PPP2R5C: variants seen among roughly 807,000 people sequenced by gnomAD.
PPP2R5C encodes serine/threonine-protein phosphatase 2A 56 kDa regulatory subunit gamma isoform.
PPP2R5C carries 7 observed loss-of-function variants against 68.9 expected under a neutral mutation model. The ratio of observed to expected loss-of-function variants is 0.10; its 90% confidence interval spans 0.06 to 0.19. The LOEUF is 0.19. Among genes scored for constraint, PPP2R5C ranks in the 10% least tolerant of loss-of-function variants. The pLI is 1.00. For missense variants in PPP2R5C, 348 were observed against 641.3 expected (o/e 0.54, Z 4.94); for synonymous variants, 210 against 222.2 (o/e 0.95, Z 0.49).
chr14:101,862,349 C>T (rs2042795619), intron 2 of PPP2R5C, among the ~76,000 whole-genome samples: 3 of 152,132 alleles, frequency 2.0e-5, no homozygotes, highest in Admixed American at 2.0e-4. Flanking sequence ...AGTGAGTCAC[C>T]ACTTGGAAGA....
intron 1 of PPP2R5C, among the ~76,000 whole-genome samples, chr14:101,845,020 G>T (rs1410738944): frequency 6.6e-6 from 1 of 152,046 alleles, no homozygotes; most frequent in Non-Finnish European, 1.5e-5. Flanking sequence ...TCTCCCCAAG[G>T]CTTTCTAGAA....
intron 2 of PPP2R5C, among the ~76,000 whole-genome samples, chr14:101,878,073 G>C (rs902851152): frequency 2.0e-5 from 3 of 152,240 alleles, no homozygotes; most frequent in African/African-American, 7.2e-5. Flanking sequence ...CTGGCTTGCA[G>C]ACGGCCACTG....
chr14:101,865,418 G>C (rs1474670283), intron 2 of PPP2R5C, among the ~76,000 whole-genome samples: 1 of 152,196 alleles, frequency 6.6e-6, no homozygotes, highest in Non-Finnish European at 1.5e-5. Context: ...GATGTCTCCT[G>C]TCTCCTACCT....
intron 2 of PPP2R5C, among the ~76,000 whole-genome samples, chr14:101,775,172 A>G (rs577428244): frequency 1.3e-5 from 2 of 152,338 alleles, no homozygotes; most frequent in South Asian, 2.1e-4. Context: ...TCTATTCACC[A>G]TCTAAGAGAT....
intron 1 of PPP2R5C, chr14:101,836,570 T>C (rs2296153): frequency 0.18 from 97,513 of 548,930 alleles, 9,978 homozygotes; most frequent in African/African-American, 0.34. Context: ...ATCTCTACTT[T>C]AAATGCCTGG....
At chr14:101,884,069 C>T (rs750154731) in intron 5 of PPP2R5C, among the ~76,000 whole-genome samples, 10 of 152,212 alleles carry the variant, frequency 6.6e-5, no homozygotes, top group Non-Finnish European at 1.5e-4. Context: ...AGCCTTCAGT[C>T]TGTGGCGGAA....
intron 1 of PPP2R5C, chr14:101,836,352 C>G (rs1418905694): frequency 1.4e-6 from 1 of 702,436 alleles, no homozygotes; most frequent in Non-Finnish European, 2.6e-6. Context: ...GACCTGCCAG[C>G]CTTCTCCCCT....
intron 11 of PPP2R5C, among the ~76,000 whole-genome samples, chr14:101,911,987 T>A (rs1459075755): frequency 6.6e-6 from 1 of 152,194 alleles, no homozygotes; most frequent in Non-Finnish European, 1.5e-5. Context: ...AGACGTTTCC[T>A]TTTTAATATT....
At chr14:101,776,534 TC>T (rs1246903584) in intron 2 of PPP2R5C, among the ~76,000 whole-genome samples, 2 of 152,148 alleles carry the variant, frequency 1.3e-5, no homozygotes, top group Non-Finnish European at 2.9e-5. Flanking sequence ...GAACAGCTGA[TC>T]CTCCCAAAGC....
At chr14:101,889,770 T>C (rs781408259) in intron 5 of PPP2R5C, 1 of 348,400 alleles carries the variant, frequency 2.9e-6, no homozygotes, top group African/African-American at 2.2e-5. Flanking sequence ...ACTTCTACCC[T>C]TTGCAGGAAC....
intron 7 of PPP2R5C, among the ~76,000 whole-genome samples, chr14:101,893,475 T>A (rs1401810263): frequency 6.6e-6 from 1 of 152,048 alleles, no homozygotes; most frequent in African/African-American, 2.4e-5. Context: ...AAACGTTTTT[T>A]AAAAAAATAA....
At position 101,797,499 on chromosome 14, in the gene PPP2R5C, C is replaced by G; in HGVS notation, c.259+11316C>G. 1 of 334,934 alleles carries G rather than the reference C, an allele frequency of 3.0e-6. No individual in the cohort carries two copies. The highest frequency in any genetic ancestry group is 6.0e-6 in the Non-Finnish European group (1 of 167,624). 20.7% of individuals were successfully genotyped at this position (334,934 alleles called of 1,614,324 possible). ...CCTCTGCCCTCTTTCTCCACCCTCTCCATTTTCACCGAGATGGTTGTGGTG... is the reference window on the plus strand; with the variant it reads ...CCTCTGCCCTCTTTCTCCACCCTCTGCATTTTCACCGAGATGGTTGTGGTG... On this transcript the variant is annotated intron_variant, in intron 3 of 14. Transcript: ENST00000328724. This position sits in a 1 kb window ranked among gnomAD's most constrained non-coding sequence, Gnocchi z 4.2.
At chr14:101,902,347 C>T (rs1342804010) in intron 9 of PPP2R5C, among the ~76,000 whole-genome samples, 1 of 152,188 alleles carries the variant, frequency 6.6e-6, no homozygotes, top group Non-Finnish European at 1.5e-5. Context: ...CTGCCAAATT[C>T]CTGTGCGAGA....
rs1164901690 is a variant in PPP2R5C, at chr14:101,877,102, C to T, written c.295-5059C>T. Among the ~76,000 whole-genome samples, 1 of 151,972 alleles carries T rather than the reference C, an allele frequency of 6.6e-6. No individual in the cohort carries two copies. The highest frequency in any genetic ancestry group is 1.5e-5 in the Non-Finnish European group (1 of 67,992). On this transcript the variant is annotated intron_variant, in intron 2 of 13. Coordinates refer to ENST00000334743, the Ensembl canonical transcript of PPP2R5C. This position sits in a 1 kb window ranked among gnomAD's most constrained non-coding sequence, Gnocchi z 4.2. ...TAGCTGGGATTACAGGCACCCACCACCACACCCAGCTAAGTTTTGTATTTT... is the reference window on the plus strand; with the variant it reads ...TAGCTGGGATTACAGGCACCCACCATCACACCCAGCTAAGTTTTGTATTTT...
At chr14:101,763,188 T>G (rs1169637044) in intron 2 of PPP2R5C, among the ~76,000 whole-genome samples, 1 of 152,068 alleles carries the variant, frequency 6.6e-6, no homozygotes, top group Admixed American at 6.5e-5. Context: ...TGCTTGCCTA[T>G]GGGGTTTGTT....
chr14:101,912,174 C>A (rs956714421), intron 11 of PPP2R5C, among the ~76,000 whole-genome samples: 7 of 152,194 alleles, frequency 4.6e-5, no homozygotes, highest in Admixed American at 2.6e-4. Flanking sequence ...TATAAGATTT[C>A]TTTTAAGAAT....
intron 2 of PPP2R5C, among the ~76,000 whole-genome samples, chr14:101,874,424 T>G (rs1220237663): frequency 6.6e-6 from 1 of 152,254 alleles, no homozygotes. Context: ...ATAAAAACAT[T>G]GGGAATACAT....
chr14:101,918,420 ACCCCCCTCGCCCCGT>A, intron 13 of PPP2R5C, among the ~76,000 whole-genome samples: 1 of 21,188 alleles, frequency 4.7e-5, no homozygotes, highest in Non-Finnish European at 8.7e-5. Flanking sequence ...TTGCCCCCTC[ACCCCCCTCGCCCCGT>A]CCCCTTCCCC....
chr14:101,857,819 A>G lies in PPP2R5C; in HGVS notation c.294+934A>G, dbSNP rs150451793. Among the ~76,000 whole-genome samples the G allele has an allele frequency of 4.1e-4, 62 of 152,294 alleles. 1 individual carries two copies. The highest frequency in any genetic ancestry group is 1.3e-3 in the African/African-American group (54 of 41,572). ...GTGTAAAATGTTAAGTCCAATTTTC[A>G]TTGAACTCTTTGTTAAGTTACTGAT... On this transcript the variant is annotated intron_variant, in intron 2 of 13. Transcript: ENST00000334743.
Sources: gnomAD v4.1 joint callset for allele counts (sites outside exome capture counted in the v4.1 genomes callset) on GRCh38, gnomAD v4.1.1 for gene constraint, Gnocchi (gnomAD v3.1) non-coding constraint, MANE v1.5 for transcripts, NCBI Gene and HGNC (gene_info 2026-07-23, HGNC 2026-07-21) for gene names.